SRGAP2: variants seen among roughly 807,000 people sequenced by gnomAD.
SRGAP2 encodes SLIT-ROBO Rho GTPase-activating protein 2.
In SRGAP2, 15 loss-of-function variants were observed where a neutral mutation model predicts 57.2. That is an observed-to-expected ratio of 0.26 (90% CI 0.18 to 0.40). SRGAP2 has a LOEUF of 0.40. Ranked by LOEUF, SRGAP2 falls within the 10% of genes least tolerant of loss-of-function variation. The probability of loss-of-function intolerance (pLI) is 1.00; values close to 1 mark genes in which losing one functional copy is unlikely to be tolerated. For synonymous variants in SRGAP2, 249 were observed against 248.0 expected, an observed-to-expected ratio of 1.00 and a Z score of -0.04; for missense variants, 520 against 669.6, an observed-to-expected ratio of 0.78 and a Z score of 2.47.
At chr1:206,223,069 C>T (rs1381733900) in intron 2 of SRGAP2, among the ~76,000 whole-genome samples, 13 of 151,714 alleles carry the variant, frequency 8.6e-5, no homozygotes, top group South Asian at 6.3e-4. Flanking sequence ...CCACCGTGCC[C>T]GGCCTCAGAG....
At chr1:206,433,358 GC>G (rs1553368908) in intron 14 of SRGAP2, among the ~76,000 whole-genome samples, 1 of 152,160 alleles carries the variant, frequency 6.6e-6, no homozygotes, top group Non-Finnish European at 1.5e-5. Flanking sequence ...AAATAAACAA[GC>G]CAAGCATGGT....
At chr1:206,254,179 G>GTTTTTTT (rs373417477) in intron 2 of SRGAP2, among the ~76,000 whole-genome samples, 6 of 47,118 alleles carry the variant, frequency 1.3e-4, no homozygotes, top group African/African-American at 2.5e-4. Flanking sequence ...TGCTTTTTCT[G>GTTTTTTT]TTTTTTTTTT....
chr1:206,394,313 C>T (rs1157317598), intron 7 of SRGAP2, among the ~76,000 whole-genome samples: 6 of 151,950 alleles, frequency 3.9e-5, no homozygotes, highest in Admixed American at 6.6e-5. Flanking sequence ...CCACCTGCCT[C>T]GACTTCCCAA....
chr1:206,385,439 G>T (rs1207149588), intron 5 of SRGAP2, among the ~76,000 whole-genome samples: 4 of 147,716 alleles, frequency 2.7e-5, no homozygotes, highest in Non-Finnish European at 5.9e-5. Context: ...AATTCCCTAA[G>T]ATAGAAAATG....
At chr1:206,289,593 TTGG>T (rs1463921962) in intron 2 of SRGAP2, among the ~76,000 whole-genome samples, 4 of 151,088 alleles carry the variant, frequency 2.6e-5, no homozygotes, top group African/African-American at 9.7e-5. Flanking sequence ...TTTTTTTTTT[TTGG>T]TGTTTTGTTT....
chr1:206,205,950 T>G lies in SRGAP2; in HGVS notation c.-21T>G. ...TGGATCTATCAATTCACAATTCGAA[T>G]TTGGAAGAAAGAAGGAAAACATGAC... On this transcript the variant is annotated 5_prime_UTR_variant, in exon 2 of 23. Transcript: ENST00000573034. The G allele has an allele frequency of 1.3e-6, 2 of 1,534,358 alleles. No individual in the cohort carries two copies. Among genetic ancestry groups the G allele is most frequent in the South Asian group, 2.4e-5 (2 of 83,614 alleles).
In SRGAP2 at chr1:206,237,156, G is replaced by A. The variant is rs543063147; in HGVS notation, c.67+31119G>A. ...AGGTGCCCGTAATCCCAGCTACTCGGGAGGCTGAGGCACAAGAATCTCTTG... is the reference window on the plus strand; with the variant it reads ...AGGTGCCCGTAATCCCAGCTACTCGAGAGGCTGAGGCACAAGAATCTCTTG... On this transcript the variant is annotated intron_variant, in intron 2 of 22. Coordinates refer to ENST00000573034, the MANE Select transcript of SRGAP2 (RefSeq NM_015326.5). 4.3e-4 allele frequency among the ~76,000 whole-genome samples: 65 copies of A among 152,002 alleles called. 2 individuals carry two copies. The South Asian group carries it at 0.014, about 32-fold the overall frequency.
rs1662127373 is a variant in SRGAP2 at position 206,439,970 on chromosome 1, T to C, written c.1769-6T>C. On this transcript the variant is annotated splice_region_variant and splice_polypyrimidine_tract_variant and intron_variant, in intron 16 of 22. Coordinates refer to ENST00000573034, the MANE Select transcript of SRGAP2 (RefSeq NM_015326.5). The stretch of plus-strand genomic sequence containing the variant: ...GGAGGATAACACATGGCTTTCTTCT[T>C]TTCAGCAATGGACAACCTGCAGGAG... The C allele has an allele frequency of 1.3e-6, 1 of 780,530 alleles. No homozygotes were observed. Among genetic ancestry groups the C allele is most frequent in the African/African-American group, 1.7e-5 (1 of 59,126 alleles). The allele number at this position is 780,530 out of a possible 1,614,324, so 48.4% of individuals were successfully genotyped here. A position where few individuals can be genotyped will look rare whatever the true frequency, so the allele number is the denominator to read the frequency against.
chr1:206,327,145 G>A (rs1274635717), intron 3 of SRGAP2, among the ~76,000 whole-genome samples: 1 of 152,094 alleles, frequency 6.6e-6, no homozygotes, highest in Non-Finnish European at 1.5e-5. Context: ...TGACCAACAT[G>A]GAGAAACCCT....
intron 2 of SRGAP2, among the ~76,000 whole-genome samples, chr1:206,237,679 G>T (rs1442873235): frequency 2.0e-5 from 3 of 151,244 alleles, no homozygotes; most frequent in Non-Finnish European, 2.9e-5. Context: ...AATTTAATAT[G>T]TAATTAAAAT....
intron 13 of SRGAP2, among the ~76,000 whole-genome samples, chr1:206,429,834 A>G (rs1661133159): frequency 6.7e-6 from 1 of 150,284 alleles, no homozygotes; most frequent in South Asian, 2.1e-4. Flanking sequence ...GTTGAGATAG[A>G]GAGAAGCGAA....
intron 3 of SRGAP2, among the ~76,000 whole-genome samples, chr1:206,324,706 T>G (rs1247320612): frequency 6.6e-6 from 1 of 152,222 alleles, no homozygotes; most frequent in Non-Finnish European, 1.5e-5. Context: ...ATTCTGGGAA[T>G]ATGCCAACTG....
chr1:206,437,371 G>T (rs782112107), intron 15 of SRGAP2, among the ~76,000 whole-genome samples: 2 of 152,202 alleles, frequency 1.3e-5, no homozygotes, highest in Non-Finnish European at 1.5e-5. Context: ...AGGCTAATGC[G>T]CTTGTTCATT....
At chr1:206,388,218 C>T (rs1450937880) in intron 5 of SRGAP2, among the ~76,000 whole-genome samples, 120 of 151,952 alleles carry the variant, frequency 7.9e-4, no homozygotes, top group Admixed American at 1.2e-3. Flanking sequence ...CCTTATGCTT[C>T]TGTACTCCCC....
chr1:206,424,915 G>GAC (rs1172821134), intron 13 of SRGAP2, among the ~76,000 whole-genome samples: 1 of 152,224 alleles, frequency 6.6e-6, no homozygotes, highest in Non-Finnish European at 1.5e-5. Flanking sequence ...TGTGCAGTAG[G>GAC]ACAGGTCATC....
Position 206,453,354 on chromosome 1 carries a change from C to G in SRGAP2, c.2334C>G (p.Pro778=), listed in dbSNP as rs781830574. 2.1e-5 allele frequency: 15 copies of G among 728,478 alleles called. No homozygotes were observed. In the Middle Eastern group the frequency reaches 1.9e-3, roughly 92 times the overall value. 45.1% of individuals were successfully genotyped at this position (728,478 alleles called of 1,614,324 possible). A position where few individuals can be genotyped will look rare whatever the true frequency, so the allele number is the denominator to read the frequency against. ...GRHNGIDGLI[P]HQYIVVQDTE... is the part of the protein sequence containing the mutation. The stretch of plus-strand genomic sequence containing the variant: ...ACAATGGCATCGACGGACTCATCCC[C>G]CATCAGTACATCGTGGTCCAAGACA... Residue 778 remains proline (P), a synonymous_variant, in exon 20 of 23, where the codon CCC becomes CCG. Coordinates refer to ENST00000573034, the MANE Select transcript of SRGAP2 (RefSeq NM_015326.5).
chr1:206,230,110 C>A (rs80172280), intron 2 of SRGAP2, among the ~76,000 whole-genome samples: 1 of 152,184 alleles, frequency 6.6e-6, no homozygotes, highest in Admixed American at 6.5e-5. Flanking sequence ...TTTGTCCCTT[C>A]GTAAACTGAT....
Position 206,463,392 on chromosome 1 carries a change from A to G in SRGAP2, c.*1972A>G, listed in dbSNP as rs1203400669. 6.6e-6 allele frequency: 1 copy of G among 152,598 alleles called. No homozygotes were observed. The highest frequency in any genetic ancestry group is 1.9e-4 in the East Asian group (1 of 5,186). 9.5% of individuals were successfully genotyped at this position (152,598 alleles called of 1,614,324 possible). A position where few individuals can be genotyped will look rare whatever the true frequency, so the allele number is the denominator to read the frequency against. On this transcript the variant is annotated 3_prime_UTR_variant, in exon 23 of 23. Coordinates refer to ENST00000573034, the MANE Select transcript of SRGAP2 (RefSeq NM_015326.5). The stretch of plus-strand genomic sequence containing the variant: ...CAGGTCCCAAGCCAACGGGGCTTTC[A>G]TACCCAAGGATCTGTTTCCTTGCTG...
At chr1:206,416,104 G>A (rs782006960) in intron 11 of SRGAP2, 131 bp downstream of exon 11, 2 of 609,552 alleles carry the variant, frequency 3.3e-6, no homozygotes, top group Non-Finnish European at 2.9e-6. Context: ...TTCTTGGCTT[G>A]TTGGATGTGG....
Sources: allele counts gnomAD v4.1 joint callset (sites outside exome capture counted in the v4.1 genomes callset), GRCh38; gene constraint gnomAD v4.1.1; transcripts MANE v1.5; gene names NCBI Gene and HGNC (gene_info 2026-07-23, HGNC 2026-07-21).